Variants in LRTM3 observed in about 807,000 individuals in gnomAD.
LRTM3 encodes the protein leucine rich repeat transmembrane protein 3.
the LRTM3 span, chr13:102,742,258 A>G: frequency 6.4e-7 from 1 of 1,550,462 alleles, no homozygotes; most frequent in Non-Finnish European, 8.7e-7. Flanking sequence ...GCAGCTGGGA[A>G]ACTGTTATTC....
the LRTM3 span, chr13:102,738,138 G>A: frequency 1.9e-6 from 3 of 1,550,808 alleles, no homozygotes; most frequent in African/African-American, 2.7e-5. Context: ...GTATTCAATG[G>A]TAGGTCCTGT....
At chr13:102,745,759 G>A in the LRTM3 span, 15 of 1,551,110 alleles carry the variant, frequency 9.7e-6, no homozygotes, top group Non-Finnish European at 1.2e-5. Context: ...CATAAAATAT[G>A]ATTTCATCAA....
the LRTM3 span, chr13:102,738,673 C>T: frequency 1.3e-6 from 2 of 1,550,510 alleles, no homozygotes; most frequent in Non-Finnish European, 1.7e-6. Flanking sequence ...TATCTGATGA[C>T]TCTTGGAGAT....
the LRTM3 span, chr13:102,732,220 A>G: frequency 1.3e-6 from 2 of 1,551,244 alleles, no homozygotes; most frequent in African/African-American, 2.7e-5. Context: ...GGTTTGTCTT[A>G]GGGTCAGTGT....
At chr13:102,747,053 T>C in the LRTM3 span, 1 of 1,551,268 alleles carries the variant, frequency 6.4e-7, no homozygotes, top group Non-Finnish European at 8.7e-7. Context: ...GCAGCTATCA[T>C]GCAGGACTGC....
the LRTM3 span, chr13:102,749,563 C>A: frequency 6.4e-7 from 1 of 1,551,394 alleles, no homozygotes; most frequent in Non-Finnish European, 8.7e-7. Flanking sequence ...AATATTTTGC[C>A]TCAACAATTG....
At chr13:102,750,369 T>A in the LRTM3 span, 1 of 1,506,734 alleles carries the variant, frequency 6.6e-7, no homozygotes, top group Non-Finnish European at 8.9e-7. Flanking sequence ...GTAATTCTTT[T>A]TTCTAAAAAG....
chr13:102,735,265 A>T, the LRTM3 span: 4 of 1,551,112 alleles, frequency 2.6e-6, no homozygotes, highest in Admixed American at 2.0e-5. Context: ...CTTTTTCTCT[A>T]TCCTTCTCTT....
the LRTM3 span, chr13:102,742,348 G>T: frequency 6.5e-7 from 1 of 1,548,046 alleles, no homozygotes; most frequent in South Asian, 1.2e-5. Flanking sequence ...TATGTCTTAT[G>T]ATTTTAGGAG....
the LRTM3 span, chr13:102,732,248 GA>G: frequency 1.1e-5 from 17 of 1,551,286 alleles, no homozygotes; most frequent in Non-Finnish European, 1.5e-5. Context: ...ACGCATGATG[GA>G]AATAGAAAGA....
chr13:102,757,006 T>C, the LRTM3 span, among the ~76,000 whole-genome samples: 2 of 152,224 alleles, frequency 1.3e-5, no homozygotes, highest in African/African-American at 4.8e-5. Context: ...TTCTTGTGAA[T>C]TCCTCTTGCC....
chr13:102,755,230 C>T, the LRTM3 span, among the ~76,000 whole-genome samples: 1 of 151,396 alleles, frequency 6.6e-6, no homozygotes. Context: ...CCCAGCTACC[C>T]CCTTTCTCCT....
chr13:102,729,993 T>C, the LRTM3 span: 1 of 1,551,796 alleles, frequency 6.4e-7, no homozygotes, highest in South Asian at 1.2e-5. Flanking sequence ...CATGAAATCT[T>C]CTCTTCACTG....
chr13:102,738,469 A>C, the LRTM3 span: 3 of 1,550,722 alleles, frequency 1.9e-6, no homozygotes, highest in Non-Finnish European at 2.6e-6. Flanking sequence ...GTTCACCTTT[A>C]ATATGTTCTA....
the LRTM3 span, among the ~76,000 whole-genome samples, chr13:102,753,542 A>G: frequency 6.6e-6 from 1 of 151,980 alleles, no homozygotes; most frequent in East Asian, 1.9e-4. Context: ...GCATGTGAGG[A>G]CACAGCAAGA....
At chr13:102,759,037 A>T in the LRTM3 span, 3 of 667,520 alleles carry the variant, frequency 4.5e-6, no homozygotes, top group Admixed American at 8.9e-5. Context: ...ACCATGTGCA[A>T]CATTTGGCCA....
the LRTM3 span, chr13:102,741,487 T>C: frequency 6.5e-7 from 1 of 1,549,468 alleles, no homozygotes; most frequent in Non-Finnish European, 8.7e-7. Flanking sequence ...TTAATCCTTC[T>C]TTTCCCAATA....
chr13:102,742,124 C>CAGTATCCAGAGTCATAAACAGCCTTTAG, the LRTM3 span: 1 of 1,550,274 alleles, frequency 6.5e-7, no homozygotes, highest in Non-Finnish European at 8.7e-7. Context: ...GCTAGACACA[C>CAGTATCCAGAGTCATAAACAGCCTTTAG]AGTATCCAGA....
At chr13:102,753,968 TG>T in the LRTM3 span, among the ~76,000 whole-genome samples, 1 of 152,156 alleles carries the variant, frequency 6.6e-6, no homozygotes, top group Non-Finnish European at 1.5e-5. Context: ...CCCAGGTCTC[TG>T]GGAGGCCGAA....
Sources: gnomAD v4.1 joint callset for allele counts (sites outside exome capture counted in the v4.1 genomes callset) on GRCh38, gnomAD v4.1.1 for gene constraint, MANE v1.5 for transcripts, NCBI Gene and HGNC (gene_info 2026-07-23, HGNC 2026-07-21) for gene names.